Variants in COL14A1 observed in about 807,000 individuals in gnomAD.
COL14A1 encodes collagen type XIV alpha 1 chain.
A neutral mutation model predicts 230.3 loss-of-function variants in COL14A1; 136 were observed. The observed-to-expected ratio is 0.59, with a 90% CI of 0.51 to 0.68. The LOEUF is 0.68. Among genes scored for constraint, COL14A1 ranks in the 30% least tolerant of loss-of-function variants. The pLI, the probability that COL14A1 is intolerant of heterozygous loss-of-function variation, is 0.00. For missense variants in COL14A1, 1,976 were observed against 2,215.8 expected (o/e 0.89, Z 2.17); for synonymous variants, 792 against 784.1 (o/e 1.01, Z -0.17).
intron 26 of COL14A1, among the ~76,000 whole-genome samples, chr8:120,271,419 A>G (rs931834998): frequency 2.0e-5 from 3 of 151,766 alleles, no homozygotes; most frequent in African/African-American, 7.2e-5. Context: ...AGAGACAGAT[A>G]TAAACAGGCA....
At chr8:120,206,218 G>A (rs575068340) in intron 9 of COL14A1, among the ~76,000 whole-genome samples, 111 of 152,298 alleles carry the variant, frequency 7.3e-4, no homozygotes, top group African/African-American at 2.6e-3. Context: ...TAACTTCACT[G>A]TGCATTGATT....
chr8:120,371,809 G>A lies in COL14A1; in HGVS notation c.*578G>A. On this transcript the variant is annotated 3_prime_UTR_variant, in exon 48 of 48. Transcript: ENST00000297848. ...ATTTGGATTTAAGCTTTCTGAATTTGGTAGTTTAAGAAACAGATTTAGTTT... is the reference window on the plus strand; with the variant it reads ...ATTTGGATTTAAGCTTTCTGAATTTAGTAGTTTAAGAAACAGATTTAGTTT... The A allele has an allele frequency of 2.6e-6, 1 of 388,038 alleles. No homozygotes were observed. The allele number at this position is 388,038 out of a possible 1,614,324, so 24.0% of individuals were successfully genotyped here. A position where few individuals can be genotyped will look rare whatever the true frequency, so the allele number is the denominator to read the frequency against.
chr8:120,216,381 T>C lies in COL14A1; in HGVS notation c.1628T>C (p.Ile543Thr), dbSNP rs1817751535. The change falls in exon 14 of 48, where the codon ATC becomes ACC. Residue 543 changes from isoleucine (I) to threonine (T), a missense_variant. Transcript: ENST00000297848. ...TTAAGTCCACCAAGAAACCTGAGAA[T>C]CTCCAATGTTGGCTCTAACAGTGCT... ...LALSPPRNLR[I>T]SNVGSNSARL... The C allele has an allele frequency of 6.2e-7, 1 of 1,612,564 alleles. No individual in the cohort carries two copies. The highest frequency in any genetic ancestry group is 1.7e-5 in the Admixed American group (1 of 59,628).
chr8:120,319,844 A>G (rs1440885682), intron 40 of COL14A1, among the ~76,000 whole-genome samples: 2 of 151,404 alleles, frequency 1.3e-5, no homozygotes, highest in Admixed American at 1.3e-4. Context: ...TTTAAAAAGC[A>G]ATAGTGCAAG....
At chr8:120,367,303 G>T (rs1823438260) in intron 46 of COL14A1, 55 bp downstream of exon 46, 3 of 1,401,000 alleles carry the variant, frequency 2.1e-6, no homozygotes, top group African/African-American at 2.9e-5. Context: ...TATTCACTTG[G>T]CATTGCAAGT....
rs1818292167 is a variant in COL14A1, at chr8:120,232,139, T to TA, written c.2349+522dup. On this transcript the variant is annotated intron_variant, in intron 19 of 47. Transcript: ENST00000297848. ...CATCAACTCGTATTGAGTAGATTTA[T>TA]AGTCATTTCTAATTATTCGTAACAT... 1.3e-5 allele frequency: 2 copies of TA among 152,238 alleles called. 1 individual carries two copies. Among genetic ancestry groups the TA allele is most frequent in the South Asian group, 4.1e-4 (2 of 4,832 alleles). 9.4% of individuals were successfully genotyped at this position (152,238 alleles called of 1,614,324 possible).
At chr8:120,341,528 A>T (rs546778086) in intron 43 of COL14A1, among the ~76,000 whole-genome samples, 168 bp downstream of exon 43, 1 of 152,228 alleles carries the variant, frequency 6.6e-6, no homozygotes, top group African/African-American at 2.4e-5. Context: ...TTTTCCAGAC[A>T]TAAAATCCCT....
chr8:120,171,912 A>T (rs912597103), intron 5 of COL14A1, among the ~76,000 whole-genome samples: 6 of 151,952 alleles, frequency 3.9e-5, no homozygotes, highest in Admixed American at 1.3e-4. Context: ...TGGGTTCCTT[A>T]TATCTGTCTT....
chr8:120,238,921 C>T (rs1309168600), intron 19 of COL14A1, among the ~76,000 whole-genome samples: 1 of 152,180 alleles, frequency 6.6e-6, no homozygotes, highest in Non-Finnish European at 1.5e-5. Flanking sequence ...TTATGCTCAC[C>T]CTCCATGGGC....
At chr8:120,136,149 A>G (rs1586706887) in intron 1 of COL14A1, among the ~76,000 whole-genome samples, 1 of 152,172 alleles carries the variant, frequency 6.6e-6, no homozygotes, top group Non-Finnish European at 1.5e-5. Context: ...TGTTGAGTGG[A>G]ACTAGTAATA....
intron 26 of COL14A1, among the ~76,000 whole-genome samples, chr8:120,276,758 A>G (rs1427862442): frequency 6.6e-6 from 1 of 151,930 alleles, no homozygotes; most frequent in Non-Finnish European, 1.5e-5. Context: ...TGGGTGCAGC[A>G]CACCAACATG....
intron 45 of COL14A1, among the ~76,000 whole-genome samples, chr8:120,354,953 TCTCCCCATTAAA>T (rs200426577): frequency 0.016 from 2,427 of 152,296 alleles, 35 homozygotes; most frequent in Middle Eastern, 0.088. Context: ...GTTGGTTACC[TCTCCCCATTAAA>T]CCCTGTACTG....
chr8:120,344,996 C>T (rs551853057), intron 44 of COL14A1, among the ~76,000 whole-genome samples: 5 of 152,118 alleles, frequency 3.3e-5, no homozygotes, highest in South Asian at 4.2e-4. Context: ...AGGCTTTGTG[C>T]GTTTTAGAAA....
intron 8 of COL14A1, among the ~76,000 whole-genome samples, chr8:120,202,022 A>T (rs978437684): frequency 3.3e-5 from 5 of 152,202 alleles, no homozygotes; most frequent in Non-Finnish European, 5.9e-5. Flanking sequence ...GCATACACTC[A>T]ATGTTATATT....
intron 38 of COL14A1, among the ~76,000 whole-genome samples, 169 bp downstream of exon 38, chr8:120,314,196 T>C (rs1240434405): frequency 6.6e-6 from 1 of 152,222 alleles, no homozygotes; most frequent in Non-Finnish European, 1.5e-5. Context: ...TTGTGTCCAA[T>C]GATGAAGGTC....
At position 120,227,272 on chromosome 8, in the gene COL14A1, G is replaced by A. The variant is rs765541441; in HGVS notation, c.2057G>A (p.Gly686Asp). ...CATGTTATTGAAGGCCTGGAGCCCG[G>A]TACGGAGTATGAAGTTTCACTATTG... ...DSHVIEGLEP[G>D]TEYEVSLLAV... The change falls in exon 17 of 48, where the codon GGT becomes GAT. Residue 686 changes from glycine (G) to aspartate (D), a missense_variant. Physicochemically the swap from Gly to Asp is moderately conservative, Grantham distance 94 (BLOSUM62 -1). Transcript: ENST00000297848. 23 of 1,613,960 alleles carry A rather than the reference G, an allele frequency of 1.4e-5. No individual in the cohort carries two copies. The highest frequency in any genetic ancestry group is 8.5e-7 in the Non-Finnish European group (1 of 1,180,016).
chr8:120,158,141 A>T lies in COL14A1; in HGVS notation c.100A>T (p.Thr34Ser), dbSNP rs762891720. The change falls in exon 3 of 48, where the codon ACA becomes TCA. Residue 34 changes from threonine (T) to serine (S), a missense_variant. Coordinates refer to ENST00000297848, the MANE Select transcript of COL14A1 (RefSeq NM_021110.4). The stretch of plus-strand genomic sequence containing the variant: ...TTCTTCCTTTTCAGTGGCTCCACCC[A>T]CAAGGTTAAGATATAATGTAATATC... ...TIVQGQVAPP[T>S]RLRYNVISHD... The T allele has an allele frequency of 1.3e-6, 2 of 1,572,010 alleles. No homozygotes were observed. Among genetic ancestry groups the T allele is most frequent in the African/African-American group, 2.7e-5 (2 of 73,154 alleles).
At chr8:120,164,379 G>A (rs1815792844) in intron 4 of COL14A1, among the ~76,000 whole-genome samples, 1 of 152,044 alleles carries the variant, frequency 6.6e-6, no homozygotes, top group Non-Finnish European at 1.5e-5. Context: ...TTTTTGTGCA[G>A]CAATGTTCTA....
At chr8:120,157,880 G>A (rs1815532009) in intron 2 of COL14A1, among the ~76,000 whole-genome samples, 1 of 152,152 alleles carries the variant, frequency 6.6e-6, no homozygotes, top group Non-Finnish European at 1.5e-5. Flanking sequence ...CAGCTACTCA[G>A]GAGGCTGAGG....
Sources: allele counts gnomAD v4.1 joint callset (sites outside exome capture counted in the v4.1 genomes callset), GRCh38; gene constraint gnomAD v4.1.1; transcripts MANE v1.5; gene names NCBI Gene and HGNC (gene_info 2026-07-23, HGNC 2026-07-21).